The following SUSD4 variants were observed in gnomAD, a reference collection of about 807,000 sequenced individuals.
The protein encoded by SUSD4 is sushi domain-containing protein 4.
SUSD4 carries 41 observed loss-of-function variants against 50.5 expected under a neutral mutation model. The observed-to-expected ratio is 0.81, with a 90% CI of 0.63 to 1.05. SUSD4 has a LOEUF of 1.05. Ranked by LOEUF, SUSD4 falls within the 50% of genes least tolerant of loss-of-function variation. SUSD4 has a pLI of 0.00. For synonymous variants in SUSD4, 257 were observed against 257.3 expected (o/e 1.00, Z 0.01); for missense variants, 580 against 634.7 (o/e 0.91, Z 0.93).
intron 2 of SUSD4, among the ~76,000 whole-genome samples, chr1:223,309,989 G>A (rs868623579): frequency 3.9e-5 from 6 of 152,186 alleles, no homozygotes; most frequent in African/African-American, 9.7e-5. Flanking sequence ...GGACCACGGC[G>A]TGCCTGGGAC....
chr1:223,265,476 T>A, intron 4 of SUSD4, among the ~76,000 whole-genome samples: 1 of 152,202 alleles, frequency 6.6e-6, no homozygotes, highest in East Asian at 1.9e-4. Context: ...AGAGCTTCTG[T>A]TTCAGCAGGT....
At chr1:223,355,026 C>T (rs1046075801) in intron 2 of SUSD4, among the ~76,000 whole-genome samples, 1 of 151,898 alleles carries the variant, frequency 6.6e-6, no homozygotes, top group African/African-American at 2.4e-5. Flanking sequence ...GGCTTGATTT[C>T]AGCTCACTGC....
intron 2 of SUSD4, among the ~76,000 whole-genome samples, chr1:223,331,824 C>T (rs1350048960): frequency 7.2e-5 from 11 of 152,304 alleles, no homozygotes; most frequent in Non-Finnish European, 8.8e-5. Context: ...CTAAGGAAGA[C>T]GTGTGTTCTC....
rs190678981 is a variant in SUSD4 at position 223,244,543 on chromosome 1, G to C, written c.725-15155C>G. On this transcript the variant is annotated intron_variant, in intron 5 of 8. Coordinates refer to ENST00000366878, the MANE Select transcript of SUSD4 (RefSeq NM_017982.4). ...ATCAAGAGAGGGCAGGTCACGTGGGGATGTCTCATGGTCTTGGTCCCTCAG... is the reference window on the plus strand; with the variant it reads ...ATCAAGAGAGGGCAGGTCACGTGGGCATGTCTCATGGTCTTGGTCCCTCAG... 1.6e-3 allele frequency among the ~76,000 whole-genome samples: 238 copies of C among 152,310 alleles called. 1 individual carries two copies. The highest frequency in any genetic ancestry group is 5.5e-3 in the African/African-American group (227 of 41,576).
At position 223,225,462 on chromosome 1, in the gene SUSD4, G is replaced by A. The variant is rs548409157; in HGVS notation, c.1062-1831C>T. 9.2e-5 allele frequency among the ~76,000 whole-genome samples: 14 copies of A among 152,192 alleles called. 1 individual carries two copies. Among genetic ancestry groups the A allele is most frequent in the South Asian group, 8.3e-4 (4 of 4,804 alleles). On this transcript the variant is annotated intron_variant, in intron 7 of 8. Coordinates refer to ENST00000366878, the MANE Select transcript of SUSD4 (RefSeq NM_017982.4). ...CTCTTAAAGACTGCCCAGAGAGGGC[G>A]GGAGACCACCAAGACCATGCTCTTC...
intron 2 of SUSD4, chr1:223,360,095 T>C (rs1356536981): frequency 2.4e-6 from 1 of 424,920 alleles, no homozygotes; most frequent in Non-Finnish European, 4.9e-6. Context: ...GTCATCCTCA[T>C]TTTATAGATG....
At chr1:223,345,580 CA>C (rs1448951707) in intron 2 of SUSD4, among the ~76,000 whole-genome samples, 1 of 152,226 alleles carries the variant, frequency 6.6e-6, no homozygotes, top group African/African-American at 2.4e-5. Flanking sequence ...CACTACTGAA[CA>C]CTGATTATAA....
intron 3 of SUSD4, among the ~76,000 whole-genome samples, chr1:223,276,399 C>A (rs1170095344): frequency 6.6e-6 from 1 of 152,224 alleles, no homozygotes; most frequent in East Asian, 1.9e-4. Flanking sequence ...CCGCATGAGG[C>A]AGCTGGTTCA....
At chr1:223,308,937 C>T (rs1665712892) in intron 2 of SUSD4, among the ~76,000 whole-genome samples, 2 of 152,152 alleles carry the variant, frequency 1.3e-5, no homozygotes, top group African/African-American at 4.8e-5. Context: ...ATGAAGAATT[C>T]CCTCTAAACA....
chr1:223,353,299 T>C (rs781328022), intron 2 of SUSD4, among the ~76,000 whole-genome samples: 1 of 152,156 alleles, frequency 6.6e-6, no homozygotes, highest in Non-Finnish European at 1.5e-5. Context: ...AGAGCATCCC[T>C]TACCCTCCCT....
At chr1:223,316,390 T>A (rs1183894054) in intron 2 of SUSD4, among the ~76,000 whole-genome samples, 1 of 152,102 alleles carries the variant, frequency 6.6e-6, no homozygotes, top group African/African-American at 2.4e-5. Context: ...GGGTTATCGC[T>A]AGGAATGGCT....
chr1:223,347,922 C>T (rs942757602), intron 2 of SUSD4, among the ~76,000 whole-genome samples: 8 of 152,012 alleles, frequency 5.3e-5, no homozygotes, highest in Non-Finnish European at 1.2e-4. Flanking sequence ...TGTCCCAGCT[C>T]TGCCACTAAC....
chr1:223,346,777 T>C (rs1246500373), intron 2 of SUSD4, among the ~76,000 whole-genome samples: 1 of 152,252 alleles, frequency 6.6e-6, no homozygotes, highest in Admixed American at 6.5e-5. Flanking sequence ...AAGTAATTGA[T>C]AAATGCTACC....
chr1:223,272,397 A>T (rs963376658), intron 3 of SUSD4, among the ~76,000 whole-genome samples: 6 of 152,198 alleles, frequency 3.9e-5, no homozygotes, highest in African/African-American at 1.4e-4. Context: ...GATTCAATAT[A>T]GTGAATAAAT....
chr1:223,292,780 G>T lies in SUSD4; in HGVS notation c.149-129C>A, dbSNP rs539705703. 3.6e-5 allele frequency: 33 copies of T among 926,998 alleles called. No individual in the cohort carries two copies. In the South Asian group the frequency reaches 5.2e-4, roughly 15 times the overall value. The allele number at this position is 926,998 out of a possible 1,614,324, so 57.4% of individuals were successfully genotyped here. On this transcript the variant is annotated intron_variant, in intron 2 of 8. Coordinates refer to ENST00000366878, the MANE Select transcript of SUSD4 (RefSeq NM_017982.4). ...ACACTCCAGTTACCCCACCACCAAA[G>T]CCAAGGACATTTTAGTGCACATTCT...
At chr1:223,363,211 T>G in intron 2 of SUSD4, 67 bp downstream of exon 2, 5 of 1,428,964 alleles carry the variant, frequency 3.5e-6, no homozygotes, top group Non-Finnish European at 4.6e-6. Context: ...AGGGCTGTCC[T>G]GGCAGCTAGG....
Position 223,363,360 on chromosome 1 carries a change from TTGCTGCTGC to T in SUSD4, c.57_65del (p.Gln20_Gln22del), listed in dbSNP as rs143929528. 5.0e-6 allele frequency: 8 copies of T among 1,603,488 alleles called. No homozygotes were observed. Among genetic ancestry groups the T allele is most frequent in the African/African-American group, 1.3e-5 (1 of 74,654 alleles). On this transcript the variant is annotated inframe_deletion, in exon 2 of 9. Transcript: ENST00000366878. ...CCAAGAGTCTCTGGGGGGACTGAGG[TTGCTGCTGC>T]TGCTGCTGCTGCTCTAGAAATCCAT...
chr1:223,307,439 TCA>T lies in SUSD4; in HGVS notation c.149-14790_149-14789del, dbSNP rs368747632. ...AATGACAGTTTGATAGGATTAGTTC[TCA>T]CAGTTGCTTTATGAAAATCCAACTG... On this transcript the variant is annotated intron_variant, in intron 2 of 8. Transcript: ENST00000366878. 3.9e-5 allele frequency among the ~76,000 whole-genome samples: 6 copies of T among 152,372 alleles called. No homozygotes were observed. In the East Asian group the frequency reaches 9.6e-4, roughly 24 times the overall value.
At chr1:223,281,715 G>A (rs2103117627) in intron 3 of SUSD4, among the ~76,000 whole-genome samples, 1 of 152,152 alleles carries the variant, frequency 6.6e-6, no homozygotes, top group East Asian at 1.9e-4. Flanking sequence ...AGAAAAAGAG[G>A]GAATCCTCCC....
Sources: gnomAD v4.1 joint callset for allele counts (sites outside exome capture counted in the v4.1 genomes callset) on GRCh38, gnomAD v4.1.1 for gene constraint, MANE v1.5 for transcripts, NCBI Gene and HGNC (gene_info 2026-07-23, HGNC 2026-07-21) for gene names.